FRMD8: variants seen among roughly 807,000 people sequenced by gnomAD.
FRMD8 encodes the protein FERM domain containing 8, also known as FERM domain-containing protein 8.
Under a neutral mutation model 54.2 loss-of-function variants are expected in FRMD8, and 37 were observed. That is an observed-to-expected ratio of 0.68 (90% CI 0.53 to 0.90). The LOEUF is 0.90. Ranked by LOEUF, FRMD8 falls within the 40% of genes least tolerant of loss-of-function variation. The pLI is 0.00. For missense variants in FRMD8, 585 were observed against 653.7 expected, an observed-to-expected ratio of 0.89 and a Z score of 1.15; for synonymous variants, 246 against 286.9, an observed-to-expected ratio of 0.86 and a Z score of 1.44.
upstream of FRMD8, chr11:65,382,279 G>A: frequency 2.4e-6 from 1 of 411,276 alleles, no homozygotes; most frequent in East Asian, 4.5e-5. This position sits in a 1 kb window ranked among gnomAD's most constrained non-coding sequence, Gnocchi z 4.4. Flanking sequence ...GGCCCCTCCA[G>A]GGCTGCCTTA....
chr11:65,376,254 C>G, the FRMD8 span: 1 of 960,570 alleles, frequency 1.0e-6, no homozygotes, highest in Non-Finnish European at 1.5e-6. Context: ...CCACAGGTGT[C>G]TGCCCAGCCC....
In FRMD8 at chr11:65,387,454, C is replaced by T. The variant is rs975332857; in HGVS notation, c.85+333C>T. Among the ~76,000 whole-genome samples, 137 of 152,100 alleles carry T rather than the reference C, an allele frequency of 9.0e-4. 1 individual carries two copies. The highest frequency in any genetic ancestry group is 9.1e-4 in the Non-Finnish European group (62 of 67,956). ...CCAAGGTGGGCAGACCACATGTGCC[C>T]AGGAGTTCGAGACCAGCCTGGGCAA... On this transcript the variant is annotated intron_variant, in intron 2 of 10. Coordinates refer to ENST00000317568, the MANE Select transcript of FRMD8 (RefSeq NM_031904.5).
the FRMD8 span, chr11:65,377,254 G>A: frequency 4.9e-6 from 7 of 1,427,326 alleles, no homozygotes; most frequent in Non-Finnish European, 4.6e-6. Flanking sequence ...GTCTGCATGC[G>A]ACCGGGACAG....
upstream of FRMD8, chr11:65,382,218 G>A: frequency 5.6e-6 from 3 of 539,192 alleles, no homozygotes; most frequent in East Asian, 3.1e-5. The surrounding 1 kb of genome is among the most constrained non-coding windows in gnomAD (Gnocchi z 4.4). Context: ...CCCGAGCCCG[G>A]CCAATGATCC....
chr11:65,381,720 A>C, upstream of FRMD8: 1 of 617,600 alleles, frequency 1.6e-6, no homozygotes, highest in Non-Finnish European at 2.9e-6. Context: ...ATGCCCAGCT[A>C]ATTATTTTGA....
At chr11:65,386,877 C>A in intron 1 of FRMD8, 116 bp downstream of exon 1, 1 of 665,718 alleles carries the variant, frequency 1.5e-6, no homozygotes, top group African/African-American at 1.8e-5. Flanking sequence ...CGCACCCCTC[C>A]CACCAGCGCC....
chr11:65,396,795 A>G lies in FRMD8; in HGVS notation c.582-4A>G. 1.3e-6 allele frequency: 2 copies of G among 1,516,016 alleles called. No homozygotes were observed. Among genetic ancestry groups the G allele is most frequent in the Non-Finnish European group, 1.8e-6 (2 of 1,131,760 alleles). 93.9% of individuals were successfully genotyped at this position (1,516,016 alleles called of 1,614,324 possible). Reference sequence around the variant, plus strand: ...CGCTAGCACCTGTCTTCCTTCCTCCACAGGGAGAAGCTGGACTCCTTCCTC... The same window carrying G: ...CGCTAGCACCTGTCTTCCTTCCTCCGCAGGGAGAAGCTGGACTCCTTCCTC... On this transcript the variant is annotated splice_region_variant and splice_polypyrimidine_tract_variant and intron_variant, in intron 6 of 10. Transcript: ENST00000317568.
chr11:65,371,813 A>G, the FRMD8 span, among the ~76,000 whole-genome samples: 32 of 151,876 alleles, frequency 2.1e-4, no homozygotes, highest in African/African-American at 7.5e-4. Flanking sequence ...ACGGCGTTTC[A>G]CTGTGTTAGC....
chr11:65,392,966 G>A (rs1855873036), intron 3 of FRMD8, among the ~76,000 whole-genome samples: 1 of 152,186 alleles, frequency 6.6e-6, no homozygotes, highest in South Asian at 2.1e-4. Context: ...ATGATTTAAG[G>A]AGATTTAAGA....
rs756277376 is a variant in FRMD8 at position 65,400,811 on chromosome 11, G to T, written c.1015G>T (p.Asp339Tyr). Residue 339 changes from aspartate (D) to tyrosine (Y), a missense_variant, in exon 9 of 11, where the codon GAC (aspartate) becomes TAC (tyrosine). Transcript: ENST00000317568. This position sits in a 1 kb window ranked among gnomAD's most constrained non-coding sequence, Gnocchi z 4.3. ...GGAGCCCATCTTGTGGCTGGAGTTC[G>T]ACGGGGACAGCGAGGGCACACCTGT... ...EEEPILWLEF[D>Y]GDSEGTPVNK... The T allele has an allele frequency of 1.2e-6, 2 of 1,612,918 alleles. No individual in the cohort carries two copies. The highest frequency in any genetic ancestry group is 2.7e-5 in the African/African-American group (2 of 74,998).
upstream of FRMD8, chr11:65,381,834 G>T (rs1185888539): frequency 1.9e-6 from 3 of 1,572,076 alleles, no homozygotes; most frequent in Admixed American, 5.0e-5. Context: ...TTTGGTCTCT[G>T]CTCCTCCCAT....
the FRMD8 span, chr11:65,379,937 A>G: frequency 6.2e-7 from 1 of 1,614,166 alleles, no homozygotes; most frequent in Non-Finnish European, 8.5e-7. Context: ...CTGCAGCCTC[A>G]CCTGGGTGGG....
the FRMD8 span, among the ~76,000 whole-genome samples, chr11:65,373,270 AGGCACAGGAAG>A: frequency 2.0e-5 from 3 of 152,174 alleles, no homozygotes; most frequent in Non-Finnish European, 4.4e-5. Context: ...GAGGAAACTG[AGGCACAGGAAG>A]GGCAGTGCCT....
In FRMD8 at chr11:65,396,784, T is replaced by TTCCTTCCTCCACAGGGAGAAGCTGGAC. The variant is rs1427895691; in HGVS notation, c.582-4_604dup. The TTCCTTCCTCCACAGGGAGAAGCTGGAC allele has an allele frequency of 1.5e-5, 22 of 1,488,592 alleles. No homozygotes were observed. The East Asian group carries it at 4.6e-4, about 31-fold the overall frequency. 92.2% of individuals were successfully genotyped at this position (1,488,592 alleles called of 1,614,324 possible). ...TCTGGTTGGGCCGCTAGCACCTGTC[T>TTCCTTCCTCCACAGGGAGAAGCTGGAC]TCCTTCCTCCACAGGGAGAAGCTGG... On this transcript the variant is annotated splice_polypyrimidine_tract_variant and intron_variant, in intron 6 of 10. Coordinates refer to ENST00000317568, the MANE Select transcript of FRMD8 (RefSeq NM_031904.5).
Position 65,400,469 on chromosome 11 carries a change from C to G in FRMD8, c.928-255C>G, listed in dbSNP as rs1458721546. Among the ~76,000 whole-genome samples, 1 of 152,212 alleles carries G rather than the reference C, an allele frequency of 6.6e-6. No individual in the cohort carries two copies. The highest frequency in any genetic ancestry group is 2.1e-4 in the South Asian group (1 of 4,836). On this transcript the variant is annotated intron_variant, in intron 8 of 10. Transcript: ENST00000317568. This position sits in a 1 kb window ranked among gnomAD's most constrained non-coding sequence, Gnocchi z 4.3. ...CCGCTTCCCCACCTGCCTCCTCCCCCACGTGCCTCCCCCGCTGTCAGGGGC... is the reference window on the plus strand; with the variant it reads ...CCGCTTCCCCACCTGCCTCCTCCCCGACGTGCCTCCCCCGCTGTCAGGGGC...
intron 4 of FRMD8, 131 bp downstream of exon 4, chr11:65,393,805 C>A: frequency 2.4e-6 from 2 of 837,126 alleles, no homozygotes; most frequent in South Asian, 1.6e-5. Context: ...CTCCCCCAGG[C>A]TCCGTCAGCC....
the FRMD8 span, chr11:65,380,908 G>A: frequency 1.2e-5 from 3 of 240,968 alleles, no homozygotes; most frequent in African/African-American, 2.3e-5. Flanking sequence ...GACAGCAGGT[G>A]AGGTCAAAGG....
the FRMD8 span, chr11:65,380,211 T>C: frequency 6.2e-7 from 1 of 1,613,906 alleles, no homozygotes; most frequent in East Asian, 2.2e-5. Context: ...GTGAGGGCCC[T>C]CGTGCCAGGC....
the FRMD8 span, chr11:65,380,054 C>A: frequency 6.3e-7 from 1 of 1,580,254 alleles, no homozygotes; most frequent in East Asian, 2.2e-5. Flanking sequence ...GCAAGATTAG[C>A]CAGGCCTGAT....
Sources: allele counts gnomAD v4.1 joint callset (sites outside exome capture counted in the v4.1 genomes callset), GRCh38; gene constraint gnomAD v4.1.1; non-coding constraint Gnocchi (gnomAD v3.1); transcripts MANE v1.5; gene names NCBI Gene and HGNC (gene_info 2026-07-23, HGNC 2026-07-21).